MAP3K4: variants seen among roughly 807,000 people sequenced by gnomAD.
MAP3K4 encodes MAP three kinase 1.
Under a neutral mutation model 185.6 loss-of-function variants are expected in MAP3K4, and 67 were observed. The ratio of observed to expected loss-of-function variants is 0.36; its 90% CI spans 0.30 to 0.44. The LOEUF is 0.44. Among genes scored for constraint, MAP3K4 ranks in the 20% least tolerant of loss-of-function variants. The pLI, the probability that MAP3K4 is intolerant of heterozygous loss-of-function variation, is 1.00. For synonymous variants in MAP3K4, 702 were observed against 710.4 expected (o/e 0.99, Z 0.19); for missense variants, 1,551 against 1,995.1 (o/e 0.78, Z 4.24).
At chr6:160,999,993 T>C (rs1456082502) in intron 1 of MAP3K4, among the ~76,000 whole-genome samples, 2 of 152,222 alleles carry the variant, frequency 1.3e-5, no homozygotes, top group Non-Finnish European at 2.9e-5. Flanking sequence ...GATACGTTGT[T>C]ATTTTCAGGC....
chr6:161,012,097 T>G (rs528115233), intron 1 of MAP3K4, among the ~76,000 whole-genome samples: 6 of 152,214 alleles, frequency 3.9e-5, no homozygotes, highest in Non-Finnish European at 7.3e-5. Context: ...GGCCTTAACT[T>G]GCCTCCCTAC....
rs1242631923 is a variant in MAP3K4 at position 161,053,601 on chromosome 6, T to C, written c.1707+3622T>C. On this transcript the variant is annotated intron_variant, in intron 3 of 26. Transcript: ENST00000392142. The surrounding 1 kb of genome is among the most constrained non-coding windows in gnomAD (Gnocchi z 4.2). ...GTTTGAGGACTTTTTTGTTTGTTTGTTTGTTTTTGAGACAAAGTCTCATTC... is the reference window on the plus strand; with the variant it reads ...GTTTGAGGACTTTTTTGTTTGTTTGCTTGTTTTTGAGACAAAGTCTCATTC... 6.6e-6 allele frequency among the ~76,000 whole-genome samples: 1 copy of C among 152,176 alleles called. No homozygotes were observed. The highest frequency in any genetic ancestry group is 6.5e-5 in the Admixed American group (1 of 15,278).
At chr6:161,066,853 C>T (rs923975289) in intron 3 of MAP3K4, among the ~76,000 whole-genome samples, 6 of 152,110 alleles carry the variant, frequency 3.9e-5, no homozygotes, top group Non-Finnish European at 7.3e-5. Context: ...GCCTTTGGCT[C>T]ATTGAGCCCG....
intron 5 of MAP3K4, among the ~76,000 whole-genome samples, chr6:161,079,720 T>C (rs1785356263): frequency 6.6e-6 from 1 of 151,976 alleles, no homozygotes; most frequent in African/African-American, 2.4e-5. Flanking sequence ...TTGAGGACTG[T>C]AGACCCATGA....
rs1777324596 is a variant in MAP3K4, at chr6:161,116,890, T to TTGGAAAATTCTCTTAATCA, written c.*21_*39dup. The TTGGAAAATTCTCTTAATCA allele has an allele frequency of 6.2e-7, 1 of 1,610,894 alleles. No homozygotes were observed. The highest frequency in any genetic ancestry group is 8.5e-7 in the Non-Finnish European group (1 of 1,177,026). ...GAATGAAGCCTAGTAGAATATGGAC[T>TTGGAAAATTCTCTTAATCA]TGGAAAATTCTCTTAATCACTACTG... On this transcript the variant is annotated 3_prime_UTR_variant, in exon 27 of 27. Coordinates refer to ENST00000392142, the MANE Select transcript of MAP3K4 (RefSeq NM_005922.4). This position sits in a 1 kb window ranked among gnomAD's most constrained non-coding sequence, Gnocchi z 6.2.
intron 1 of MAP3K4, among the ~76,000 whole-genome samples, chr6:160,997,610 T>C (rs625977): frequency 0.73 from 111,742 of 152,126 alleles, 42,170 homozygotes; most frequent in Non-Finnish European, 0.82. Context: ...AAACAGACTA[T>C]GAAACAGAAT....
intron 5 of MAP3K4, among the ~76,000 whole-genome samples, chr6:161,079,019 G>T (rs1249904772): frequency 6.6e-6 from 1 of 152,062 alleles, no homozygotes; most frequent in Non-Finnish European, 1.5e-5. Flanking sequence ...TTCGAGACCA[G>T]CCTGGCCAAC....
At chr6:161,055,827 T>C (rs934717410) in intron 3 of MAP3K4, among the ~76,000 whole-genome samples, 1 of 152,230 alleles carries the variant, frequency 6.6e-6, no homozygotes, top group South Asian at 2.1e-4. Flanking sequence ...CAGGAGTTAC[T>C]ATTTTTTCCT....
At position 161,053,672 on chromosome 6, in the gene MAP3K4, A is replaced by T. The variant is rs1784104525; in HGVS notation, c.1707+3693A>T. On this transcript the variant is annotated intron_variant, in intron 3 of 26. Transcript: ENST00000392142. This position sits in a 1 kb window ranked among gnomAD's most constrained non-coding sequence, Gnocchi z 4.2. ...AATGGGAAGATCTCGGCTCACTGCA[A>T]CCTCTGTCTCCCGGGTTCAGGCAAT... Among the ~76,000 whole-genome samples the T allele has an allele frequency of 6.7e-6, 1 of 149,350 alleles. No individual in the cohort carries two copies. The highest frequency in any genetic ancestry group is 2.0e-4 in the East Asian group (1 of 5,016).
intron 3 of MAP3K4, among the ~76,000 whole-genome samples, chr6:161,066,134 C>G (rs1784703311): frequency 6.6e-6 from 1 of 151,982 alleles, no homozygotes; most frequent in South Asian, 2.1e-4. Flanking sequence ...CTTTCCCTAT[C>G]TTGTGATTTT....
chr6:161,097,261 T>C lies in MAP3K4; in HGVS notation c.3524+85T>C. On this transcript the variant is annotated intron_variant, in intron 16 of 26. Coordinates refer to ENST00000392142, the MANE Select transcript of MAP3K4 (RefSeq NM_005922.4). The surrounding 1 kb of genome is among the most constrained non-coding windows in gnomAD (Gnocchi z 4.9). ...ACTTTTGAAACTACTAGATGCTTGCTCTGAGAGCTAAATACCTTTTCTGCA... is the reference window on the plus strand; with the variant it reads ...ACTTTTGAAACTACTAGATGCTTGCCCTGAGAGCTAAATACCTTTTCTGCA... The C allele has an allele frequency of 3.6e-6, 4 of 1,118,282 alleles. No homozygotes were observed. The South Asian group carries it at 5.4e-5, about 15-fold the overall frequency. 69.3% of individuals were successfully genotyped at this position (1,118,282 alleles called of 1,614,324 possible). A position where few individuals can be genotyped will look rare whatever the true frequency, so the allele number is the denominator to read the frequency against.
chr6:161,046,040 CAT>C (rs1176085003), intron 2 of MAP3K4, among the ~76,000 whole-genome samples: 8 of 152,094 alleles, frequency 5.3e-5, no homozygotes, highest in African/African-American at 9.7e-5. Flanking sequence ...CTAAGCCCAA[CAT>C]GTGTGTTTTT....
intron 1 of MAP3K4, among the ~76,000 whole-genome samples, chr6:161,006,519 T>G (rs1781588492): frequency 6.6e-6 from 1 of 152,220 alleles, no homozygotes. Flanking sequence ...TATATGCAGA[T>G]ATCGTCATTT....
In MAP3K4 at chr6:161,056,292, T is replaced by C. The variant is rs1421087307; in HGVS notation, c.1707+6313T>C. 1.3e-5 allele frequency among the ~76,000 whole-genome samples: 2 copies of C among 152,210 alleles called. No individual in the cohort carries two copies. Among genetic ancestry groups the C allele is most frequent in the African/African-American group, 4.8e-5 (2 of 41,458 alleles). On this transcript the variant is annotated intron_variant, in intron 3 of 26. Coordinates refer to ENST00000392142, the MANE Select transcript of MAP3K4 (RefSeq NM_005922.4). This position sits in a 1 kb window ranked among gnomAD's most constrained non-coding sequence, Gnocchi z 5.4. Reference sequence around the variant, plus strand: ...TCCAAGGAGCTCTGGTTCCTTTTACTGGATAATTGTATTTAGAAATGAAGA... The same window carrying C: ...TCCAAGGAGCTCTGGTTCCTTTTACCGGATAATTGTATTTAGAAATGAAGA...
intron 2 of MAP3K4, among the ~76,000 whole-genome samples, chr6:161,041,977 G>A (rs368389096): frequency 1.4e-4 from 19 of 139,036 alleles, no homozygotes; most frequent in African/African-American, 4.7e-4. Flanking sequence ...AGACTGGCCC[G>A]GAACCTCTGG....
chr6:161,089,278 T>G, intron 10 of MAP3K4, 44 bp from the exon 11 acceptor site: 1 of 1,594,386 alleles, frequency 6.3e-7, no homozygotes, highest in Non-Finnish European at 8.5e-7. Context: ...TAACAACTAG[T>G]AACTGGGTTG....
In MAP3K4 at chr6:161,073,238, C is replaced by A; in HGVS notation, c.1951-228C>A. On this transcript the variant is annotated intron_variant, in intron 4 of 26. Transcript: ENST00000392142. This position sits in a 1 kb window ranked among gnomAD's most constrained non-coding sequence, Gnocchi z 4.2. The stretch of plus-strand genomic sequence containing the variant: ...CCTATATGGTATTTTCTCTGTGTAT[C>A]CATGCTGTAGTATTAAATTCTTTTA... 2.8e-6 allele frequency: 1 copy of A among 358,414 alleles called. No homozygotes were observed. The highest frequency in any genetic ancestry group is 4.9e-6 in the Non-Finnish European group (1 of 202,348). 22.2% of individuals were successfully genotyped at this position (358,414 alleles called of 1,614,324 possible).
rs753561762 is a variant in MAP3K4 at position 161,087,831 on chromosome 6, T to C, written c.2700T>C (p.Tyr900=). The change falls in exon 10 of 27, where the codon TAT becomes TAC. Residue 900 remains tyrosine (Y), a synonymous_variant. Transcript: ENST00000392142. The surrounding 1 kb of genome is among the most constrained non-coding windows in gnomAD (Gnocchi z 4.9). ...CAGATGACGTACTCATCGATGCCTA[T>C]CTGCTTCTGACCAAGCACGGTGATC... ...KDSDDVLIDA[Y]LLLTKHGDRA... is the part of the protein sequence containing the mutation. The C allele has an allele frequency of 6.2e-7, 1 of 1,614,140 alleles. No individual in the cohort carries two copies. The highest frequency in any genetic ancestry group is 1.3e-5 in the African/African-American group (1 of 75,044).
chr6:161,066,611 C>T (rs1355552228), intron 3 of MAP3K4, among the ~76,000 whole-genome samples: 1 of 152,074 alleles, frequency 6.6e-6, no homozygotes, highest in Non-Finnish European at 1.5e-5. Flanking sequence ...TACATTAAAT[C>T]GGTATTAATT....
Sources: allele counts gnomAD v4.1 joint callset (sites outside exome capture counted in the v4.1 genomes callset), GRCh38; gene constraint gnomAD v4.1.1; non-coding constraint Gnocchi (gnomAD v3.1); transcripts MANE v1.5; gene names NCBI Gene and HGNC (gene_info 2026-07-23, HGNC 2026-07-21).